Variants in KDM1A observed in about 807,000 individuals in gnomAD.
KDM1A encodes the protein lysine-specific histone demethylase 1A.
In KDM1A, 49 loss-of-function variants were observed where a neutral mutation model predicts 109.4. The observed-to-expected ratio is 0.45, with a 90% CI of 0.36 to 0.57. The LOEUF (loss-of-function observed/expected upper bound fraction) is 0.57. KDM1A is among the 20% of genes least tolerant of loss of function. KDM1A has a pLI of 0.00. For synonymous variants in KDM1A, 380 were observed against 415.4 expected, an observed-to-expected ratio of 0.91 and a Z score of 1.04; for missense variants, 668 against 1,116.6, an observed-to-expected ratio of 0.60 and a Z score of 5.73.
At chr1:23,032,119 T>G (rs1247902786) in intron 2 of KDM1A, among the ~76,000 whole-genome samples, 3 of 152,168 alleles carry the variant, frequency 2.0e-5, no homozygotes, top group Admixed American at 6.6e-5. Context: ...GACCTGCTAA[T>G]GAGATACTTG....
chr1:23,071,395 G>A (rs1321626036), intron 13 of KDM1A, 36 bp downstream of exon 13: 4 of 1,558,986 alleles, frequency 2.6e-6, no homozygotes, highest in Non-Finnish European at 3.5e-6. Flanking sequence ...GGTTTTACTT[G>A]GAATCCTAAG....
chr1:23,041,364 T>A (rs1642325255), intron 2 of KDM1A, among the ~76,000 whole-genome samples: 1 of 151,802 alleles, frequency 6.6e-6, no homozygotes, highest in South Asian at 2.1e-4. Flanking sequence ...CCATCATTTC[T>A]TATGTGGTAC....
rs1307382844 is a variant in KDM1A, at chr1:23,064,851, G to C, written c.1168-1209G>C. On this transcript the variant is annotated intron_variant, in intron 9 of 20. Transcript: ENST00000400181. ...CTCTTCAAATCCTGTTAGTCTTGAA[G>C]GAACTATTTACCTGGAGCCTTTCAT... Among the ~76,000 whole-genome samples, 8 of 152,180 alleles carry C rather than the reference G, an allele frequency of 5.3e-5. No homozygotes were observed. The East Asian group carries it at 1.5e-3, about 29-fold the overall frequency.
chr1:23,045,614 G>A (rs1192760280), intron 3 of KDM1A, among the ~76,000 whole-genome samples: 1 of 151,938 alleles, frequency 6.6e-6, no homozygotes, highest in Non-Finnish European at 1.5e-5. Flanking sequence ...GATCAGGGAT[G>A]GCCTTTAGAG....
chr1:23,054,051 C>T (rs1642751547), intron 5 of KDM1A, among the ~76,000 whole-genome samples: 1 of 152,094 alleles, frequency 6.6e-6, no homozygotes, highest in Non-Finnish European at 1.5e-5. Context: ...CAGATGAGTT[C>T]AAGAGATTGC....
chr1:23,073,226 C>A, intron 14 of KDM1A, 66 bp from the exon 15 acceptor site: 1 of 845,254 alleles, frequency 1.2e-6, no homozygotes, highest in Non-Finnish European at 2.0e-6. Flanking sequence ...ACTGAGATCA[C>A]CTACATCACA....
Position 23,040,779 on chromosome 1 carries a change from C to T in KDM1A, c.518-3648C>T, listed in dbSNP as rs374192325. Among the ~76,000 whole-genome samples the T allele has an allele frequency of 9.2e-5, 14 of 152,094 alleles. No individual in the cohort carries two copies. In the East Asian group the frequency reaches 2.1e-3, roughly 23 times the overall value. ...CTCCACCCTGGGCGACAGAGCAAGA[C>T]CTTGTCTCTAAAAATAATTAAAAAA... On this transcript the variant is annotated intron_variant, in intron 2 of 20. Transcript: ENST00000400181.
chr1:23,057,867 GA>G (rs1642882005), intron 8 of KDM1A: 1 of 199,390 alleles, frequency 5.0e-6, no homozygotes, highest in African/African-American at 2.5e-5. Flanking sequence ...GCAGTGGCGT[GA>G]CCTCCACTCA....
Position 23,073,416 on chromosome 1 carries a change from T to G in KDM1A, c.1734+13T>G. 7.2e-7 allele frequency: 1 copy of G among 1,393,556 alleles called. No individual in the cohort carries two copies. The highest frequency in any genetic ancestry group is 1.0e-6 in the Non-Finnish European group (1 of 980,496). The allele number at this position is 1,393,556 out of a possible 1,614,324, so 86.3% of individuals were successfully genotyped here. On this transcript the variant is annotated intron_variant, in intron 15 of 20. Transcript: ENST00000400181. ...GCACTGGGATCAGGTAAGTTTCCCTTATTGTTTATTTTATTGCACATGCCT... is the reference window on the plus strand; with the variant it reads ...GCACTGGGATCAGGTAAGTTTCCCTGATTGTTTATTTTATTGCACATGCCT...
intron 2 of KDM1A, among the ~76,000 whole-genome samples, chr1:23,039,912 G>C (rs1450360907): frequency 6.6e-6 from 1 of 152,208 alleles, no homozygotes; most frequent in Admixed American, 6.5e-5. Context: ...GTGCTTTGCA[G>C]TTTTGGGGCA....
chr1:23,071,545 G>GC (rs1329702579), intron 13 of KDM1A, among the ~76,000 whole-genome samples, 186 bp downstream of exon 13: 2 of 152,200 alleles, frequency 1.3e-5, no homozygotes, highest in Admixed American at 6.5e-5. Flanking sequence ...TGCTTGTCCT[G>GC]CAGAATTCTT....
In KDM1A at chr1:23,079,693, T is replaced by C; in HGVS notation, c.2170+26T>C. On this transcript the variant is annotated intron_variant, in intron 18 of 20. Transcript: ENST00000400181. The surrounding 1 kb of genome is among the most constrained non-coding windows in gnomAD (Gnocchi z 5.6). ...GTAAATGCCTTCTAATTTTAATCTTTTCCATATCCTTACAGGAATATAGAA... is the reference window on the plus strand; with the variant it reads ...GTAAATGCCTTCTAATTTTAATCTTCTCCATATCCTTACAGGAATATAGAA... 5.7e-6 allele frequency: 8 copies of C among 1,411,700 alleles called. No individual in the cohort carries two copies. The highest frequency in any genetic ancestry group is 7.9e-6 in the Non-Finnish European group (8 of 1,013,330). The allele number at this position is 1,411,700 out of a possible 1,614,324, so 87.4% of individuals were successfully genotyped here.
chr1:23,023,925 C>CT (rs1641717448), intron 1 of KDM1A, among the ~76,000 whole-genome samples: 1 of 152,234 alleles, frequency 6.6e-6, no homozygotes, highest in African/African-American at 2.4e-5. Flanking sequence ...TCATAGCTCA[C>CT]TGCAGCCTCA....
In KDM1A at chr1:23,028,067, T is replaced by A. The variant is rs114007156; in HGVS notation, c.352-2402T>A. 8.1e-3 allele frequency among the ~76,000 whole-genome samples: 1,227 copies of A among 152,350 alleles called. 11 individuals are homozygous for A. The highest frequency in any genetic ancestry group is 0.014 in the Middle Eastern group (4 of 294). On this transcript the variant is annotated intron_variant, in intron 1 of 20. Coordinates refer to ENST00000400181, the MANE Select transcript of KDM1A (RefSeq NM_001009999.3). ...TTTCTAGACCACCCTTTTCCAAGTG[T>A]ATTCCTTGTTAATTATTTCTTTGTC...
At chr1:23,080,362 T>C (rs1643582737) in intron 18 of KDM1A, among the ~76,000 whole-genome samples, 1 of 152,302 alleles carries the variant, frequency 6.6e-6, no homozygotes, top group African/African-American at 2.4e-5. Flanking sequence ...ATCCAGGCTG[T>C]CAAGTCCTGT....
intron 15 of KDM1A, among the ~76,000 whole-genome samples, chr1:23,075,421 A>G (rs1009785728): frequency 6.6e-6 from 1 of 151,842 alleles, no homozygotes; most frequent in Non-Finnish European, 1.5e-5. Context: ...AAATACAAAA[A>G]TTAGCCGGGC....
At chr1:23,080,228 T>C (rs1291238598) in intron 18 of KDM1A, among the ~76,000 whole-genome samples, 1 of 152,102 alleles carries the variant, frequency 6.6e-6, no homozygotes, top group Admixed American at 6.5e-5. Flanking sequence ...TTCTTTCCAT[T>C]ACTCCTCACT....
intron 1 of KDM1A, among the ~76,000 whole-genome samples, chr1:23,021,143 A>G (rs1641615817): frequency 6.6e-6 from 1 of 152,192 alleles, no homozygotes; most frequent in South Asian, 2.1e-4. Context: ...GAGCTCTCAT[A>G]TTTATCTGCC....
At position 23,072,272 on chromosome 1, in the gene KDM1A, T is replaced by C. The variant is rs190452490; in HGVS notation, c.1622+75T>C. 88 of 1,012,690 alleles carry C rather than the reference T, an allele frequency of 8.7e-5. No homozygotes were observed. The Admixed American group carries it at 1.7e-3, about 20-fold the overall frequency. 62.7% of individuals were successfully genotyped at this position (1,012,690 alleles called of 1,614,324 possible). A position where few individuals can be genotyped will look rare whatever the true frequency, so the allele number is the denominator to read the frequency against. ...TCAGCTTGATTTGGAAGGAAAATTC[T>C]AAATCATAATGAGCTTTTATTTATG... On this transcript the variant is annotated intron_variant, in intron 14 of 20. Coordinates refer to ENST00000400181, the MANE Select transcript of KDM1A (RefSeq NM_001009999.3).
Sources: gnomAD v4.1 joint callset for allele counts (sites outside exome capture counted in the v4.1 genomes callset) on GRCh38, gnomAD v4.1.1 for gene constraint, Gnocchi (gnomAD v3.1) non-coding constraint, MANE v1.5 for transcripts, NCBI Gene and HGNC (gene_info 2026-07-23, HGNC 2026-07-21) for gene names.